The following NBAS variants were observed in gnomAD, a reference collection of about 807,000 sequenced individuals.
NBAS encodes the protein NBAS subunit of NRZ tethering complex.
A neutral mutation model predicts 302.5 loss-of-function variants in NBAS; 219 were observed. That is an observed-to-expected ratio of 0.72 (90% CI 0.65 to 0.81). NBAS has a LOEUF of 0.81. Among genes scored for constraint, NBAS ranks in the 30% least tolerant of loss-of-function variants. NBAS has a pLI of 0.00. For synonymous variants in NBAS, 1,118 were observed against 1,021.6 expected (o/e 1.09, Z -1.80); for missense variants, 2,932 against 2,841.6 (o/e 1.03, Z -0.72).
At chr2:15,167,466 C>T (rs1664085048) in intron 51 of NBAS, 143 bp from the exon 52 acceptor site, 2 of 1,043,230 alleles carry the variant, frequency 1.9e-6, no homozygotes, top group East Asian at 2.6e-5. Flanking sequence ...TCACGAGCAC[C>T]TCTGAGGTAG....
intron 21 of NBAS, among the ~76,000 whole-genome samples, chr2:15,452,547 C>T (rs995782909): frequency 6.7e-6 from 1 of 149,170 alleles, no homozygotes; most frequent in Admixed American, 6.7e-5. Flanking sequence ...GAGATCGCGC[C>T]ACTGCACTCC....
At chr2:14,991,919 A>G in the NBAS span, among the ~76,000 whole-genome samples, 34,774 of 152,068 alleles carry the variant, frequency 0.23, 6,281 homozygotes, top group African/African-American at 0.5. Flanking sequence ...TCAAGGACTC[A>G]CTCTCTACTA....
rs1325508748 is a variant in NBAS, at chr2:15,536,555, C to G, written c.514-4G>C. On this transcript the variant is annotated splice_region_variant and splice_polypyrimidine_tract_variant and intron_variant, in intron 7 of 51. Coordinates refer to ENST00000281513, the MANE Select transcript of NBAS (RefSeq NM_015909.4). ...AGTCACCTATAAAACTAGATGCCTACAGAAGAGGGGGAAATTAAGTTACTA... is the reference window on the plus strand; with the variant it reads ...AGTCACCTATAAAACTAGATGCCTAGAGAAGAGGGGGAAATTAAGTTACTA... The G allele has an allele frequency of 2.2e-5, 35 of 1,589,850 alleles. No homozygotes were observed. Among genetic ancestry groups the G allele is most frequent in the Non-Finnish European group, 2.8e-5 (33 of 1,169,648 alleles).
chr2:15,176,021 C>T (rs1044430138), intron 51 of NBAS, among the ~76,000 whole-genome samples: 1 of 152,152 alleles, frequency 6.6e-6, no homozygotes, highest in African/African-American at 2.4e-5. Context: ...CTGTCAACAA[C>T]CAATAAGGGG....
At chr2:15,481,306 A>T (rs1489429500) in intron 12 of NBAS, among the ~76,000 whole-genome samples, 1 of 152,188 alleles carries the variant, frequency 6.6e-6, no homozygotes, top group Non-Finnish European at 1.5e-5. Context: ...CATGTATTTG[A>T]GTACCTGAAG....
chr2:15,142,438 G>A, the NBAS span, among the ~76,000 whole-genome samples: 5 of 152,328 alleles, frequency 3.3e-5, no homozygotes, highest in South Asian at 4.1e-4. Flanking sequence ...TGCAGATGAC[G>A]TCAGGAGGCT....
chr2:14,912,234 T>C, the NBAS span, among the ~76,000 whole-genome samples: 1 of 152,188 alleles, frequency 6.6e-6, no homozygotes, highest in East Asian at 1.9e-4. Flanking sequence ...AAAACGTTAC[T>C]AGGTGGAACA....
Position 15,514,693 on chromosome 2 carries a change from A to T in NBAS, c.747-3343T>A, listed in dbSNP as rs1464105866. ...TATAGTAAACATTAATGTATTTATA[A>T]TATATAATTTCTACTAATTAAATTT... On this transcript the variant is annotated intron_variant, in intron 9 of 51. Transcript: ENST00000281513. 4.0e-5 allele frequency among the ~76,000 whole-genome samples: 6 copies of T among 151,418 alleles called. No individual in the cohort carries two copies. The East Asian group carries it at 1.2e-3, about 29-fold the overall frequency.
chr2:15,051,161 G>A, the NBAS span, among the ~76,000 whole-genome samples: 2 of 152,188 alleles, frequency 1.3e-5, no homozygotes, highest in Non-Finnish European at 2.9e-5. Context: ...TTTGGTGGCT[G>A]AACAACGAAG....
At chr2:15,469,531 T>C (rs939761970) in intron 16 of NBAS, among the ~76,000 whole-genome samples, 6 of 152,244 alleles carry the variant, frequency 3.9e-5, no homozygotes, top group African/African-American at 9.6e-5. Flanking sequence ...TAAAGACATA[T>C]GCACACGTAT....
rs545803779 is a variant in NBAS at position 15,269,791 on chromosome 2, G to A, written c.5724+5693C>T. On this transcript the variant is annotated intron_variant, in intron 44 of 51. Transcript: ENST00000281513. ...CTAGACCAACAGTTTTAATGCGACA[G>A]GGTACAAAAAGTTCAATAATATGGC... 2.6e-5 allele frequency among the ~76,000 whole-genome samples: 4 copies of A among 152,302 alleles called. No individual in the cohort carries two copies. The East Asian group carries it at 7.7e-4, about 29-fold the overall frequency.
intron 30 of NBAS, 43 bp downstream of exon 30, chr2:15,379,555 TCTGA>T: frequency 6.4e-7 from 1 of 1,562,116 alleles, no homozygotes; most frequent in Non-Finnish European, 8.8e-7. Context: ...GTTTGTACAT[TCTGA>T]CTTTCCCCCT....
chr2:15,031,854 T>C, the NBAS span, among the ~76,000 whole-genome samples: 1 of 152,202 alleles, frequency 6.6e-6, no homozygotes, highest in African/African-American at 2.4e-5. Context: ...GAGAACTGGC[T>C]GGAGATTATC....
chr2:14,797,847 G>A, the NBAS span, among the ~76,000 whole-genome samples: 1 of 152,204 alleles, frequency 6.6e-6, no homozygotes, highest in African/African-American at 2.4e-5. Context: ...TCTCTGGCTG[G>A]TGAAGTAGCA....
the NBAS span, among the ~76,000 whole-genome samples, chr2:15,155,533 C>T: frequency 3.1e-3 from 467 of 152,288 alleles, 1 homozygote; most frequent in African/African-American, 0.011. Context: ...CAGCTCTGCC[C>T]TATTTCCTTC....
intron 21 of NBAS, among the ~76,000 whole-genome samples, chr2:15,442,927 C>T (rs1678510864): frequency 6.6e-6 from 1 of 152,288 alleles, no homozygotes. Context: ...TTCCTCGACA[C>T]ATACACTCTC....
chr2:15,397,396 A>G, intron 26 of NBAS: 1 of 305,994 alleles, frequency 3.3e-6, no homozygotes, highest in Non-Finnish European at 6.1e-6. Context: ...ATTTTTCTCC[A>G]GAGAATAATC....
chr2:15,205,735 A>G (rs1276453142), intron 48 of NBAS, among the ~76,000 whole-genome samples: 1 of 151,996 alleles, frequency 6.6e-6, no homozygotes, highest in Non-Finnish European at 1.5e-5. Flanking sequence ...CTTGTCATAG[A>G]GTTCTCACGA....
chr2:15,451,668 C>G (rs1258173254), intron 21 of NBAS, among the ~76,000 whole-genome samples: 2 of 152,024 alleles, frequency 1.3e-5, no homozygotes, highest in East Asian at 3.9e-4. Flanking sequence ...GTTTTCATAT[C>G]ATAAGTTTTA....
Sources: allele counts gnomAD v4.1 joint callset (sites outside exome capture counted in the v4.1 genomes callset), GRCh38; gene constraint gnomAD v4.1.1; transcripts MANE v1.5; gene names NCBI Gene and HGNC (gene_info 2026-07-23, HGNC 2026-07-21).